The following GATA6 variants were observed in gnomAD, a reference collection of about 807,000 sequenced individuals.
GATA6 encodes the protein transcription factor GATA-6.
In GATA6, 11 loss-of-function variants were observed where a neutral mutation model predicts 48.1. The ratio of observed to expected loss-of-function variants is 0.23; its 90% confidence interval spans 0.14 to 0.38. The LOEUF is 0.38. Ranked by LOEUF, GATA6 falls within the 10% of genes least tolerant of loss-of-function variation. The pLI, the probability that GATA6 is intolerant of heterozygous loss-of-function variation, is 1.00. For missense variants in GATA6, 795 were observed against 850.3 expected, an observed-to-expected ratio of 0.93 and a Z score of 0.81; for synonymous variants, 419 against 396.1, an observed-to-expected ratio of 1.06 and a Z score of -0.69.
Position 22,201,146 on chromosome 18 carries a change from G to T in GATA6, c.*323G>T. ...AGAGAGATTTTTTAAAAAAGATTTT[G>T]CATTTTGTCCAAAATCATGTGCTTC... On this transcript the variant is annotated 3_prime_UTR_variant, in exon 7 of 7. Coordinates refer to ENST00000269216, the MANE Select transcript of GATA6 (RefSeq NM_005257.6). 2.8e-6 allele frequency: 1 copy of T among 356,392 alleles called. No individual in the cohort carries two copies. Among genetic ancestry groups the T allele is most frequent in the Non-Finnish European group, 5.2e-6 (1 of 193,138 alleles). The allele number at this position is 356,392 out of a possible 1,614,324, so 22.1% of individuals were successfully genotyped here.
chr18:22,183,252 G>A (rs1249794734), intron 6 of GATA6, among the ~76,000 whole-genome samples: 3 of 152,038 alleles, frequency 2.0e-5, no homozygotes, highest in South Asian at 2.1e-4. Flanking sequence ...AATTAAGATC[G>A]GTATCATTTT....
chr18:22,194,413 G>T (rs915532302), intron 6 of GATA6, among the ~76,000 whole-genome samples: 2 of 152,210 alleles, frequency 1.3e-5, no homozygotes, highest in Non-Finnish European at 2.9e-5. Flanking sequence ...ATCAGGGAGA[G>T]AGCAGGGACC....
chr18:22,199,900 CAAAAAAAAAAAAAAA>C (rs35638046), intron 6 of GATA6, among the ~76,000 whole-genome samples: 1 of 68,356 alleles, frequency 1.5e-5, no homozygotes, highest in Admixed American at 1.7e-4. Flanking sequence ...GACTCTGTTT[CAAAAAAAAAAAAAAA>C]AAAAAAAAGA....
chr18:22,200,768 C>A lies in GATA6; in HGVS notation c.1733C>A (p.Ala578Asp). The A allele has an allele frequency of 6.2e-7, 1 of 1,613,856 alleles. No homozygotes were observed. The highest frequency in any genetic ancestry group is 8.5e-7 in the Non-Finnish European group (1 of 1,180,036). Reference protein sequence around the residue: ...LYIGVSLASPAEVTSSVRPDS... With the variant: ...LYIGVSLASPDEVTSSVRPDS... ...ATAGGCGTCAGTCTCGCCTCGCCGG[C>A]CGAAGTCACGTCCTCCGTGCGACCG... Residue 578 changes from alanine to aspartate, a missense_variant, in exon 7 of 7, where the codon GCC becomes GAC. Around this residue, in one of 5 missense-constraint regions of GATA6, gnomAD observed 103 missense variants for 103.7 expected, o/e 0.99. Coordinates refer to ENST00000269216, the MANE Select transcript of GATA6 (RefSeq NM_005257.6).
chr18:22,183,763 C>T (rs551993888), intron 6 of GATA6, among the ~76,000 whole-genome samples: 40 of 152,278 alleles, frequency 2.6e-4, no homozygotes, highest in Non-Finnish European at 4.7e-4. Flanking sequence ...AGCATTTTCC[C>T]ACCCTAATGT....
intron 6 of GATA6, among the ~76,000 whole-genome samples, chr18:22,186,242 G>A (rs1172387349): frequency 1.3e-5 from 2 of 152,062 alleles, no homozygotes; most frequent in African/African-American, 4.8e-5. Context: ...ATGGGGCCAC[G>A]GAACTACAAA....
At chr18:22,183,398 A>G (rs1226668301) in intron 6 of GATA6, among the ~76,000 whole-genome samples, 1 of 152,240 alleles carries the variant, frequency 6.6e-6, no homozygotes, top group Non-Finnish European at 1.5e-5. Flanking sequence ...TGTAGATCAT[A>G]AGAACTATGA....
In GATA6 at chr18:22,176,890, G is replaced by T. The variant is rs1406064839; in HGVS notation, c.1136-65G>T. ...CGGGGCTGGGGGCCGGGGTCCCCGGGGTGACGCGGGGAGGGACGGGTCCGG... is the reference window on the plus strand; with the variant it reads ...CGGGGCTGGGGGCCGGGGTCCCCGGTGTGACGCGGGGAGGGACGGGTCCGG... On this transcript the variant is annotated intron_variant, in intron 2 of 6. Transcript: ENST00000269216. The T allele has an allele frequency of 4.7e-6, 7 of 1,493,692 alleles. No homozygotes were observed. The Admixed American group carries it at 1.5e-4, about 32-fold the overall frequency. The allele number at this position is 1,493,692 out of a possible 1,614,324, so 92.5% of individuals were successfully genotyped here.
chr18:22,192,732 C>A (rs1266390649), intron 6 of GATA6, among the ~76,000 whole-genome samples: 1 of 152,278 alleles, frequency 6.6e-6, no homozygotes, highest in African/African-American at 2.4e-5. Context: ...TAGTGTAATT[C>A]ATTCTGATTC....
At position 22,170,019 on chromosome 18, in the gene GATA6, G is replaced by A. The variant is rs1424556347; in HGVS notation, c.-38+337G>A. 4.6e-5 allele frequency among the ~76,000 whole-genome samples: 7 copies of A among 152,196 alleles called. No homozygotes were observed. The highest frequency in any genetic ancestry group is 1.0e-4 in the Non-Finnish European group (7 of 68,040). ...GGTCTGTGTGTGGGCATTAATTTTA[G>A]TGTGGTAATCTCCGATGAGCCGAGG... is the stretch of plus-strand genomic sequence containing the variant. On this transcript the variant is annotated intron_variant, in intron 1 of 6. Coordinates refer to ENST00000269216, the MANE Select transcript of GATA6 (RefSeq NM_005257.6). This position sits in a 1 kb window ranked among gnomAD's most constrained non-coding sequence, Gnocchi z 6.7.
Position 22,171,216 on chromosome 18 carries a change from C to T in GATA6, c.72C>T (p.Ser24=), listed in dbSNP as rs781485109. ...FGAAGADASD[S]RAFPAREPST... ...CCGCGGGTGCGGACGCCAGCGACTC[C>T]AGAGCCTTTCCAGCGCGGGAGCCCT... The change falls in exon 2 of 7, where the codon TCC becomes TCT. Residue 24 remains serine, a synonymous_variant. Transcript: ENST00000269216. This position sits in a 1 kb window ranked among gnomAD's most constrained non-coding sequence, Gnocchi z 7.1. 12 of 1,599,716 alleles carry T rather than the reference C, an allele frequency of 7.5e-6. No homozygotes were observed. The South Asian group carries it at 1.3e-4, about 18-fold the overall frequency.
In GATA6 at chr18:22,172,386, C is replaced by T; in HGVS notation, c.1135+107C>T. On this transcript the variant is annotated intron_variant, in intron 2 of 6. Transcript: ENST00000269216. This position sits in a 1 kb window ranked among gnomAD's most constrained non-coding sequence, Gnocchi z 5.2. ...GCCCTGTTTTCAGGACTTTCTCGTC[C>T]GGGTGCGCGGAGGTCGGCCTGGTCC... 3 of 1,457,290 alleles carry T rather than the reference C, an allele frequency of 2.1e-6. No homozygotes were observed. The highest frequency in any genetic ancestry group is 2.7e-6 in the Non-Finnish European group (3 of 1,104,072). The allele number at this position is 1,457,290 out of a possible 1,614,324, so 90.3% of individuals were successfully genotyped here.
intron 6 of GATA6, among the ~76,000 whole-genome samples, chr18:22,198,145 T>C (rs1164704206): frequency 6.6e-6 from 1 of 151,892 alleles, no homozygotes; most frequent in Non-Finnish European, 1.5e-5. Context: ...AGTGCAGTGA[T>C]GCAATCGTAG....
Position 22,182,657 on chromosome 18 carries a change from C to T in GATA6, c.1429-100C>T, listed in dbSNP as rs939581728. 43 of 874,438 alleles carry T rather than the reference C, an allele frequency of 4.9e-5. 2 individuals carry two copies. Among genetic ancestry groups the T allele is most frequent in the East Asian group, 2.6e-4 (10 of 38,174 alleles). 54.2% of individuals were successfully genotyped at this position (874,438 alleles called of 1,614,324 possible). A position where few individuals can be genotyped will look rare whatever the true frequency, so the allele number is the denominator to read the frequency against. ...AGAGGCGTGAGCCACTGCACTCGGC[C>T]GCCAAATTCTTTTAAATGAGAGCTT... On this transcript the variant is annotated intron_variant, in intron 4 of 6. Coordinates refer to ENST00000269216, the MANE Select transcript of GATA6 (RefSeq NM_005257.6).
At chr18:22,187,589 A>G (rs2033278404) in intron 6 of GATA6, among the ~76,000 whole-genome samples, 2 of 150,412 alleles carry the variant, frequency 1.3e-5, no homozygotes, top group African/African-American at 2.5e-5. Flanking sequence ...TGTATTTTAT[A>G]GTTTTTTTTG....
At chr18:22,192,394 A>G (rs981853563) in intron 6 of GATA6, among the ~76,000 whole-genome samples, 1 of 152,202 alleles carries the variant, frequency 6.6e-6, no homozygotes, top group African/African-American at 2.4e-5. Flanking sequence ...TTTCATCCCA[A>G]GATATTAGAA....
rs1369316608 is a variant in GATA6 at position 22,172,198 on chromosome 18, G to C, written c.1054G>C (p.Gly352Arg). 1.4e-6 allele frequency: 2 copies of C among 1,455,552 alleles called. No individual in the cohort carries two copies. The highest frequency in any genetic ancestry group is 1.8e-6 in the Non-Finnish European group (2 of 1,097,370). The allele number at this position is 1,455,552 out of a possible 1,614,324, so 90.2% of individuals were successfully genotyped here. Reference sequence around the variant, plus strand: ...GCCACTGACGCCTGCCTGGCCCGCCGGACCCTTCGAGACCCCGGTGCTGCA... The same window carrying C: ...GCCACTGACGCCTGCCTGGCCCGCCCGACCCTTCGAGACCCCGGTGCTGCA... Reference protein sequence around the residue: ...GAPLTPAWPAGPFETPVLHSL... With the variant: ...GAPLTPAWPARPFETPVLHSL... Residue 352 changes from glycine to arginine, a missense_variant, in exon 2 of 7, where the codon GGA (glycine) becomes CGA (arginine). Physicochemically the swap from Gly to Arg is moderately radical, Grantham distance 125. Coordinates refer to ENST00000269216, the MANE Select transcript of GATA6 (RefSeq NM_005257.6). This position sits in a 1 kb window ranked among gnomAD's most constrained non-coding sequence, Gnocchi z 5.2.
chr18:22,182,349 C>CTTTTTTTTTTT (rs34089081), intron 4 of GATA6, among the ~76,000 whole-genome samples: 6 of 134,122 alleles, frequency 4.5e-5, no homozygotes, highest in Non-Finnish European at 4.9e-5. Context: ...ATGCCAAGTT[C>CTTTTTTTTTTT]TTTTTTTTTT....
intron 6 of GATA6, among the ~76,000 whole-genome samples, chr18:22,191,893 C>T (rs1303829925): frequency 6.6e-6 from 1 of 152,228 alleles, no homozygotes; most frequent in Non-Finnish European, 1.5e-5. Context: ...TCCAAGTCAA[C>T]ATCTGACGAT....
Sources: gnomAD v4.1 joint callset for allele counts (sites outside exome capture counted in the v4.1 genomes callset) on GRCh38, gnomAD v4.1.1 for gene constraint, gnomAD v4.1.1 regional missense constraint, Gnocchi (gnomAD v3.1) non-coding constraint, MANE v1.5 for transcripts, NCBI Gene and HGNC (gene_info 2026-07-23, HGNC 2026-07-21) for gene names.